KMT2D: variants seen among roughly 807,000 people sequenced by gnomAD.
The protein encoded by KMT2D is lysine methyltransferase 2D, also known as histone-lysine N-methyltransferase 2D.
A neutral mutation model predicts 512.7 loss-of-function variants in KMT2D; 55 were observed. The observed-to-expected ratio is 0.11, with a 90% CI of 0.09 to 0.13. KMT2D has a LOEUF of 0.13. KMT2D is among the 10% of genes least tolerant of loss of function. KMT2D has a pLI of 1.00. For missense variants in KMT2D, 6,061 were observed against 7,127.9 expected, an observed-to-expected ratio of 0.85 and a Z score of 5.39; for synonymous variants, 2,995 against 2,904.0, an observed-to-expected ratio of 1.03 and a Z score of -1.01.
chr12:49,055,098 T>C, intron 2 of KMT2D, 72 bp from the exon 3 acceptor site: 4 of 1,572,596 alleles, frequency 2.5e-6, no homozygotes, highest in Non-Finnish European at 3.5e-6. Context: ...ACCAGACGCA[T>C]GAGATTATCC....
Position 49,040,923 on chromosome 12 carries a change from T to G in KMT2D, c.6847A>C (p.Lys2283Gln). The change falls in exon 32 of 55, where the codon AAG (lysine) becomes CAG (glutamine). Residue 2283 changes from lysine to glutamine, a missense_variant. By Grantham distance (53) the Lys-to-Gln change is moderately conservative. Around this residue, in one of 16 missense-constraint regions of KMT2D, gnomAD observed 710 missense variants for 647.3 expected, o/e 1.10. Coordinates refer to ENST00000301067, the MANE Select transcript of KMT2D (RefSeq NM_003482.4). Reference sequence around the variant, plus strand: ...TCTTCCTTCTTCACCTCTAGGGCCTTCCGGGACTCCCCAAAAGGTGGGGGC... The same window carrying G: ...TCTTCCTTCTTCACCTCTAGGGCCTGCCGGGACTCCCCAAAAGGTGGGGGC... ...LSPPPFGESR[K>Q]ALEVKKEELG... is the part of the protein sequence containing the mutation. 1 of 1,613,678 alleles carries G rather than the reference T, an allele frequency of 6.2e-7. No homozygotes were observed. The highest frequency in any genetic ancestry group is 8.5e-7 in the Non-Finnish European group (1 of 1,179,696).
chr12:49,052,761 C>T, intron 9 of KMT2D, 52 bp from the exon 10 acceptor site: 1 of 1,601,476 alleles, frequency 6.2e-7, no homozygotes, highest in Non-Finnish European at 8.5e-7. Flanking sequence ...GCTAACAAAT[C>T]CTAGAGAGCA....
In KMT2D at chr12:49,039,045, A is replaced by G. The variant is rs773109515; in HGVS notation, c.8367-56T>C. 75 of 1,539,186 alleles carry G rather than the reference A, an allele frequency of 4.9e-5. No individual in the cohort carries two copies. Among genetic ancestry groups the G allele is most frequent in the Non-Finnish European group, 6.4e-5 (73 of 1,132,196 alleles). Reference sequence around the variant, plus strand: ...AAATCAGATGAAAAGGAGCAAGAACATGGGCTTAGGGCAGTGAGGAAGGAT... The same window carrying G: ...AAATCAGATGAAAAGGAGCAAGAACGTGGGCTTAGGGCAGTGAGGAAGGAT... On this transcript the variant is annotated intron_variant, in intron 34 of 54. Transcript: ENST00000301067. The surrounding 1 kb of genome is among the most constrained non-coding windows in gnomAD (Gnocchi z 5.0).
rs749219060 is a variant in KMT2D, at chr12:49,033,653, TTGCTGTTGC to T, written c.11043_11051del (p.Gln3682_Gln3684del). 1 of 1,613,700 alleles carries T rather than the reference TTGCTGTTGC, an allele frequency of 6.2e-7. No individual in the cohort carries two copies. Among genetic ancestry groups the T allele is most frequent in the Non-Finnish European group, 8.5e-7 (1 of 1,179,876 alleles). On this transcript the variant is annotated inframe_deletion, in exon 40 of 55. Coordinates refer to ENST00000301067, the MANE Select transcript of KMT2D (RefSeq NM_003482.4). ...CCAGGGATCCAGCCCCACCAGAATG[TTGCTGTTGC>T]TGCTGTTGGGCCAGAGCTGTATTAA...
Position 49,033,103 on chromosome 12 carries a change from CTTGCTGTTGGTGCTGTTG to C in KMT2D, c.11584_11601del (p.Gln3862_Gln3867del), listed in dbSNP as rs1943032758. On this transcript the variant is annotated inframe_deletion, in exon 40 of 55. Coordinates refer to ENST00000301067, the MANE Select transcript of KMT2D (RefSeq NM_003482.4). ...AGATGGGACAGCCCTGCCATGGACC[CTTGCTGTTGGTGCTGTTG>C]TTGCTGCTGCTGCTGCTGGGCTGTG... The C allele has an allele frequency of 9.7e-6, 15 of 1,551,410 alleles. No individual in the cohort carries two copies. The highest frequency in any genetic ancestry group is 1.3e-5 in the Non-Finnish European group (15 of 1,146,900).
At position 49,027,332 on chromosome 12, in the gene KMT2D, G is replaced by C; in HGVS notation, c.14644-10C>G. 1 of 1,510,220 alleles carries C rather than the reference G, an allele frequency of 6.6e-7. No homozygotes were observed. The highest frequency in any genetic ancestry group is 8.8e-7 in the Non-Finnish European group (1 of 1,131,994). The allele number at this position is 1,510,220 out of a possible 1,614,324, so 93.6% of individuals were successfully genotyped here. On this transcript the variant is annotated splice_polypyrimidine_tract_variant and intron_variant, in intron 48 of 54. Transcript: ENST00000301067. Reference sequence around the variant, plus strand: ...CTGGGGCGGGGCTCTCCTGTAGGAGGGTGCCCTGTATCATTAGTGCCAGCT... The same window carrying C: ...CTGGGGCGGGGCTCTCCTGTAGGAGCGTGCCCTGTATCATTAGTGCCAGCT...
Position 49,021,885 on chromosome 12 carries a change from G to A in KMT2D, c.16522-13C>T. 1 of 1,611,180 alleles carries A rather than the reference G, an allele frequency of 6.2e-7. No homozygotes were observed. Among genetic ancestry groups the A allele is most frequent in the Non-Finnish European group, 8.5e-7 (1 of 1,177,280 alleles). ...AGTCATAGGTTAGCTGAAAAGAGAA[G>A]AGGGCAGAATCAATGCTAGTCCCCC... On this transcript the variant is annotated splice_polypyrimidine_tract_variant and intron_variant, in intron 54 of 54. Coordinates refer to ENST00000301067, the MANE Select transcript of KMT2D (RefSeq NM_003482.4).
chr12:49,041,866 C>T lies in KMT2D; in HGVS notation c.6183+51G>A, dbSNP rs1284926515. Reference sequence around the variant, plus strand: ...GAACTGAGGTAAATTACCCAAAGATCCCTCCCTCCCTCTCAGTTCCCACGC... The same window carrying T: ...GAACTGAGGTAAATTACCCAAAGATTCCTCCCTCCCTCTCAGTTCCCACGC... On this transcript the variant is annotated intron_variant, in intron 30 of 54. Transcript: ENST00000301067. This position sits in a 1 kb window ranked among gnomAD's most constrained non-coding sequence, Gnocchi z 5.4. 1.9e-6 allele frequency: 3 copies of T among 1,544,990 alleles called. No homozygotes were observed. The highest frequency in any genetic ancestry group is 1.4e-5 in the African/African-American group (1 of 73,332).
chr12:49,029,523 G>T, intron 43 of KMT2D, 47 bp from the exon 44 acceptor site: 1 of 1,388,696 alleles, frequency 7.2e-7, no homozygotes, highest in Non-Finnish European at 1.0e-6. Context: ...GGTGGCCAGG[G>T]CTGATGGTAC....
chr12:49,044,264 T>C lies in KMT2D; in HGVS notation c.5124A>G (p.Thr1708=), dbSNP rs374724784. The change falls in exon 22 of 55, where the codon ACA becomes ACG. Residue 1708 remains threonine, a synonymous_variant. Transcript: ENST00000301067. The surrounding 1 kb of genome is among the most constrained non-coding windows in gnomAD (Gnocchi z 6.4). The part of the protein sequence containing the change: ...GFMVRQRKSH[T]RTKKGPAAQA... Reference sequence around the variant, plus strand: ...GTGCAGCAGGCCCCTTTTTCGTGCGTGTGTGGGATTTCCGCTGTCGCACCA... The same window carrying C: ...GTGCAGCAGGCCCCTTTTTCGTGCGCGTGTGGGATTTCCGCTGTCGCACCA... 72 of 1,613,138 alleles carry C rather than the reference T, an allele frequency of 4.5e-5. No homozygotes were observed. The African/African-American group carries it at 8.4e-4, about 19-fold the overall frequency.
At chr12:49,057,867 A>C (rs1021052009) in intron 1 of KMT2D, among the ~76,000 whole-genome samples, 2 of 152,160 alleles carry the variant, frequency 1.3e-5, no homozygotes, top group Non-Finnish European at 2.9e-5. Context: ...GTAGGTACAG[A>C]TCTAGGGAGT....
In KMT2D at chr12:49,030,538, T is replaced by C; in HGVS notation, c.13839+63A>G. 3 of 1,500,418 alleles carry C rather than the reference T, an allele frequency of 2.0e-6. No homozygotes were observed. The South Asian group carries it at 4.0e-5, about 20-fold the overall frequency. The allele number at this position is 1,500,418 out of a possible 1,614,324, so 92.9% of individuals were successfully genotyped here. ...ACGTCAGCAATTCCCTCAAGTTTTC[T>C]ATTCCCACCCTCACCTTCCCAAGAA... On this transcript the variant is annotated intron_variant, in intron 42 of 54. Coordinates refer to ENST00000301067, the MANE Select transcript of KMT2D (RefSeq NM_003482.4).
At position 49,022,752 on chromosome 12, in the gene KMT2D, G is replaced by A. The variant is rs1942389044; in HGVS notation, c.16176C>T (p.Arg5392=). The change falls in exon 52 of 55, where the codon CGC becomes CGT. Residue 5392 remains arginine (R), a synonymous_variant. Coordinates refer to ENST00000301067, the MANE Select transcript of KMT2D (RefSeq NM_003482.4). The surrounding 1 kb of genome is among the most constrained non-coding windows in gnomAD (Gnocchi z 8.6). ...HSKSSQYRRL[R]TEWKNNVYLA... ...GGTACACGTTGTTCTTCCATTCGGT[G>A]CGCAGCCGCCGGTACTGAGATGACT... The A allele has an allele frequency of 6.2e-7, 1 of 1,614,012 alleles. No individual in the cohort carries two copies. Among genetic ancestry groups the A allele is most frequent in the Non-Finnish European group, 8.5e-7 (1 of 1,179,892 alleles).
chr12:49,030,235 C>T, intron 43 of KMT2D, 45 bp downstream of exon 43: 1 of 1,541,422 alleles, frequency 6.5e-7, no homozygotes. Flanking sequence ...GGTTTGGACT[C>T]CAGCTACCAA....
chr12:49,048,404 C>G (rs1166044866), intron 14 of KMT2D, among the ~76,000 whole-genome samples: 6 of 152,334 alleles, frequency 3.9e-5, no homozygotes, highest in African/African-American at 1.4e-4. Flanking sequence ...ATGTAAGTTC[C>G]CTAAGCTATA....
chr12:49,027,909 T>G lies in KMT2D; in HGVS notation c.14537A>C (p.Glu4846Ala), dbSNP rs1942685558. ...AGGGCCAGTGTCTGGGCTCTTGCCT[T>G]CCAGACCCTTTTCCTTCCCACCTGC... ...EGPGGKEKGLEGKSPDTGPDW... is the reference protein window; with the variant it reads ...EGPGGKEKGLAGKSPDTGPDW... Residue 4846 changes from glutamate to alanine, a missense_variant, in exon 48 of 55, where the codon GAA (glutamate) becomes GCA (alanine). Glu to Ala is a moderately radical substitution (Grantham distance 107, BLOSUM62 -1). This residue lies in a region of KMT2D where 1,600 missense variants were observed against 1,754.9 expected (regional missense o/e 0.91). Coordinates refer to ENST00000301067, the MANE Select transcript of KMT2D (RefSeq NM_003482.4). 6.2e-7 allele frequency: 1 copy of G among 1,613,766 alleles called. No individual in the cohort carries two copies. Among genetic ancestry groups the G allele is most frequent in the Non-Finnish European group, 8.5e-7 (1 of 1,179,882 alleles).
rs1210590639 is a variant in KMT2D, at chr12:49,037,266, G to T, written c.10090C>A (p.Gln3364Lys). The change falls in exon 35 of 55, where the codon CAG (glutamine) becomes AAG (lysine). Residue 3364 changes from glutamine (Q) to lysine (K), a missense_variant. Gln to Lys is a moderately conservative substitution (Grantham distance 53). Transcript: ENST00000301067. ...GHMLSGQHGG[Q>K]AGLVPQQSSQ... ...CTCTGCTGGGGTACCAAGCCTGCCT[G>T]CCCTCCATGCTGCCCACTTAGCATA... 1.7e-5 allele frequency: 28 copies of T among 1,613,550 alleles called. No homozygotes were observed. The highest frequency in any genetic ancestry group is 2.1e-5 in the Non-Finnish European group (25 of 1,179,848).
chr12:49,024,858 C>G lies in KMT2D; in HGVS notation c.15873G>C (p.Glu5291Asp), dbSNP rs771191137. 28 of 1,611,614 alleles carry G rather than the reference C, an allele frequency of 1.7e-5. No individual in the cohort carries two copies. Among genetic ancestry groups the G allele is most frequent in the Non-Finnish European group, 2.3e-5 (27 of 1,178,886 alleles). ...LRLFPEYLKG[E>D]ELFGLTVHAV... ...CATGCACCGTCAGCCCAAAGAGCTC[C>G]TCGCCCTTCAGATACTCAGGGAAGA... is the stretch of plus-strand genomic sequence containing the variant. The change falls in exon 50 of 55, where the codon GAG becomes GAC. Residue 5291 changes from glutamate to aspartate, a missense_variant. Transcript: ENST00000301067. The surrounding 1 kb of genome is among the most constrained non-coding windows in gnomAD (Gnocchi z 4.5).
chr12:49,026,275 A>C lies in KMT2D; in HGVS notation c.15691T>G (p.Ser5231Ala), dbSNP rs375825923. 7.4e-6 allele frequency: 12 copies of C among 1,611,066 alleles called. No individual in the cohort carries two copies. Among genetic ancestry groups the C allele is most frequent in the Non-Finnish European group, 1.0e-5 (12 of 1,177,512 alleles). ...TNNRRCCYRCSIGENNGRPEF... is the reference protein window; with the variant it reads ...TNNRRCCYRCAIGENNGRPEF... The stretch of plus-strand genomic sequence containing the variant: ...GGCCGCCCGTTGTTCTCACCAATAG[A>C]ACAGCGATAGCAGCAGCGACGATTG... The change falls in exon 49 of 55, where the codon TCT becomes GCT. Residue 5231 changes from serine to alanine, a missense_variant. By Grantham distance (99) the Ser-to-Ala change is moderately conservative. Transcript: ENST00000301067. This position sits in a 1 kb window ranked among gnomAD's most constrained non-coding sequence, Gnocchi z 9.6.
Sources: gnomAD v4.1 joint callset for allele counts (sites outside exome capture counted in the v4.1 genomes callset) on GRCh38, gnomAD v4.1.1 for gene constraint, gnomAD v4.1.1 regional missense constraint, Gnocchi (gnomAD v3.1) non-coding constraint, MANE v1.5 for transcripts, NCBI Gene and HGNC (gene_info 2026-07-23, HGNC 2026-07-21) for gene names.